CDKN2A: variants seen among roughly 807,000 people sequenced by gnomAD.
CDKN2A encodes cyclin dependent kinase inhibitor 2A.
Under a neutral mutation model 11.1 loss-of-function variants are expected in CDKN2A, and 3 were observed. The ratio of observed to expected loss-of-function variants is 0.27; its 90% CI spans 0.12 to 0.70. CDKN2A has a LOEUF of 0.70. CDKN2A is among the 30% of genes least tolerant of loss of function. CDKN2A has a pLI of 0.77. For synonymous variants in CDKN2A, 122 were observed against 108.1 expected (o/e 1.13, Z -0.80); for missense variants, 265 against 233.6 (o/e 1.13, Z -0.88).
intron 2 of CDKN2A, among the ~76,000 whole-genome samples, chr9:21,981,784 G>A (rs1358117899): frequency 3.3e-5 from 5 of 151,976 alleles, no homozygotes; most frequent in African/African-American, 1.2e-4. Context: ...CAATGTGGGT[G>A]GTAAGAGCAT....
In CDKN2A at chr9:21,968,007, A is replaced by G. The variant is rs1819492696; in HGVS notation, c.*222T>C. ...CAGAAGCGGTGTTTTTCTTTTTTAC[A>G]TTTTTATAAGAATATATAAAAAATG... On this transcript the variant is annotated 3_prime_UTR_variant, in exon 3 of 3. Coordinates refer to ENST00000304494, the MANE Select transcript of CDKN2A (RefSeq NM_000077.5). This position sits in a 1 kb window ranked among gnomAD's most constrained non-coding sequence, Gnocchi z 4.7. 1 of 560,838 alleles carries G rather than the reference A, an allele frequency of 1.8e-6. No homozygotes were observed. The highest frequency in any genetic ancestry group is 3.2e-6 in the Non-Finnish European group (1 of 316,056). 34.7% of individuals were successfully genotyped at this position (560,838 alleles called of 1,614,324 possible).
In CDKN2A at chr9:21,991,695, TA is replaced by T; in HGVS notation, c.-4+2186del. The stretch of plus-strand genomic sequence containing the variant: ...GGAATAATAGATCTGTAAACCATCA[TA>T]GACGGTAATAGGCTATGTTGTTGCT... On this transcript the variant is annotated intron_variant, in intron 2 of 3. Coordinates refer to the CDKN2A transcript ENST00000494262. The surrounding 1 kb of genome is among the most constrained non-coding windows in gnomAD (Gnocchi z 5.2). 1.0e-6 allele frequency: 1 copy of T among 982,744 alleles called. No individual in the cohort carries two copies. The highest frequency in any genetic ancestry group is 1.2e-6 in the Non-Finnish European group (1 of 827,448). The allele number at this position is 982,744 out of a possible 1,614,324, so 60.9% of individuals were successfully genotyped here.
intron 2 of CDKN2A, among the ~76,000 whole-genome samples, chr9:21,983,297 A>G (rs1390227450): frequency 6.6e-6 from 1 of 152,028 alleles, no homozygotes. Flanking sequence ...AAACTACCCC[A>G]CACAAAGCAA....
intron 1 of CDKN2A, chr9:21,994,478 G>A (rs778216600): frequency 9.1e-6 from 13 of 1,424,326 alleles, no homozygotes; most frequent in African/African-American, 5.7e-5. Context: ...GCGCGCACCC[G>A]CCTTCCCTGA....
In CDKN2A at chr9:21,974,752, C is replaced by G. The variant is rs1317637377; in HGVS notation, c.76G>C (p.Glu26Gln). Reference sequence around the variant, plus strand: ...GCCTCCAGCAGCGCCCGCACCTCCTCTACCCGACCCCGGGCCGCGGCCGTG... The same window carrying G: ...GCCTCCAGCAGCGCCCGCACCTCCTGTACCCGACCCCGGGCCGCGGCCGTG... ...LATAAARGRV[E>Q]EVRALLEAGA... is the part of the protein sequence containing the mutation. Residue 26 changes from glutamate to glutamine, a missense_variant, in exon 1 of 3, where the codon GAG (glutamate) becomes CAG (glutamine). Coordinates refer to ENST00000304494, the MANE Select transcript of CDKN2A (RefSeq NM_000077.5). This position sits in a 1 kb window ranked among gnomAD's most constrained non-coding sequence, Gnocchi z 5.2. 1.2e-6 allele frequency: 2 copies of G among 1,611,012 alleles called. No individual in the cohort carries two copies. Among genetic ancestry groups the G allele is most frequent in the South Asian group, 2.2e-5 (2 of 91,020 alleles).
upstream of CDKN2A, among the ~76,000 whole-genome samples, chr9:21,976,538 A>C (rs1250156677): frequency 6.6e-6 from 1 of 152,084 alleles, no homozygotes; most frequent in Non-Finnish European, 1.5e-5. Flanking sequence ...CAACATGGCG[A>C]AACCCTGTCT....
Position 21,967,913 on chromosome 9 carries a change from A to G in CDKN2A, c.*316T>C. 2.6e-6 allele frequency: 1 copy of G among 386,308 alleles called. No individual in the cohort carries two copies. Among genetic ancestry groups the G allele is most frequent in the Non-Finnish European group, 4.6e-6 (1 of 215,214 alleles). 23.9% of individuals were successfully genotyped at this position (386,308 alleles called of 1,614,324 possible). On this transcript the variant is annotated 3_prime_UTR_variant, in exon 3 of 3. Coordinates refer to ENST00000304494, the MANE Select transcript of CDKN2A (RefSeq NM_000077.5). Reference sequence around the variant, plus strand: ...TTCCGGAGGCTGCGAGGCTCGCAAGAAATGCCCACATGAATGTGCGCTTAG... The same window carrying G: ...TTCCGGAGGCTGCGAGGCTCGCAAGGAATGCCCACATGAATGTGCGCTTAG...
chr9:21,993,738 G>T (rs1017453318), intron 2 of CDKN2A: 3 of 204,548 alleles, frequency 1.5e-5, no homozygotes, highest in African/African-American at 7.1e-5. Context: ...AGAAAACTTA[G>T]ATGGTTAGCA....
rs1587330539 is a variant in CDKN2A, at chr9:21,970,949, G to C, written c.410C>G (p.Thr137Ser). The part of the protein sequence containing the change: ...ARYLRAAAGG[T>S]RGSNHARIDA... ...TATGCGGGCATGGTTACTGCCTCTG[G>C]TGCCCCCCGCAGCCGCGCGCAGGTA... The change falls in exon 2 of 3, where the codon ACC becomes AGC. Residue 137 changes from threonine to serine, a missense_variant. Coordinates refer to ENST00000304494, the MANE Select transcript of CDKN2A (RefSeq NM_000077.5). 6.2e-7 allele frequency: 1 copy of C among 1,612,154 alleles called. No homozygotes were observed. Among genetic ancestry groups the C allele is most frequent in the Non-Finnish European group, 8.5e-7 (1 of 1,180,022 alleles).
upstream of CDKN2A, chr9:21,975,101 T>TC: frequency 7.9e-7 from 1 of 1,265,026 alleles, no homozygotes; most frequent in Non-Finnish European, 9.9e-7. Flanking sequence ...AGGTTGGGTC[T>TC]CCCCCGGGGG....
chr9:21,994,491 G>T, intron 1 of CDKN2A: 35 of 1,436,646 alleles, frequency 2.4e-5, no homozygotes, highest in Non-Finnish European at 3.0e-5. Context: ...TTCCCTGAGC[G>T]CGCCCGCCCC....
chr9:21,983,446 C>T (rs1382491098), intron 2 of CDKN2A, among the ~76,000 whole-genome samples: 2 of 152,014 alleles, frequency 1.3e-5, no homozygotes, highest in Non-Finnish European at 2.9e-5. Flanking sequence ...TTCATAAATG[C>T]TACTTTTAAC....
intron 2 of CDKN2A, among the ~76,000 whole-genome samples, chr9:21,986,107 G>A (rs1820291748): frequency 6.6e-6 from 1 of 151,996 alleles, no homozygotes; most frequent in Non-Finnish European, 1.5e-5. Context: ...GAACATGAAA[G>A]CACTGAGAGT....
chr9:21,985,618 A>C (rs906445862), intron 2 of CDKN2A, among the ~76,000 whole-genome samples: 1 of 151,954 alleles, frequency 6.6e-6, no homozygotes, highest in South Asian at 2.1e-4. Flanking sequence ...TAGATAGACT[A>C]ATAACTTTTT....
rs1233144421 is a variant in CDKN2A, at chr9:21,991,490, TTC to T, written c.-4+2390_-4+2391del. On this transcript the variant is annotated intron_variant, in intron 2 of 3. Coordinates refer to the CDKN2A transcript ENST00000494262. The surrounding 1 kb of genome is among the most constrained non-coding windows in gnomAD (Gnocchi z 5.2). ...TTTAGTACAGAAGGCAAGTGAGATT[TTC>T]TCTGTTTCTCCAAGGACTTTTGAAA... is the stretch of plus-strand genomic sequence containing the variant. 4 of 205,688 alleles carry T rather than the reference TTC, an allele frequency of 1.9e-5. No individual in the cohort carries two copies. Among genetic ancestry groups the T allele is most frequent in the East Asian group, 1.9e-4 (1 of 5,392 alleles). The allele number at this position is 205,688 out of a possible 1,614,324, so 12.7% of individuals were successfully genotyped here. A position where few individuals can be genotyped will look rare whatever the true frequency, so the allele number is the denominator to read the frequency against.
At chr9:21,981,586 C>T (rs1350583428) in intron 2 of CDKN2A, among the ~76,000 whole-genome samples, 1 of 151,846 alleles carries the variant, frequency 6.6e-6, no homozygotes, top group Non-Finnish European at 1.5e-5. Context: ...AAATTAGAGT[C>T]CCTGTCCTAG....
Position 21,971,575 on chromosome 9 carries a change from A to ATTTTTTTTTTTTTTTTTTTTTTTTTTTT in CDKN2A, c.151-368_151-367insAAAAAAAAAAAAAAAAAAAAAAAAAAAA, listed in dbSNP as rs59981968. Reference sequence around the variant, plus strand: ...TCCTGAAATTATGTTAGGCCTGGAGATTTTTTTTTTTTTTTTTGTTCACTG... The same window carrying ATTTTTTTTTTTTTTTTTTTTTTTTTTTT: ...TCCTGAAATTATGTTAGGCCTGGAGATTTTTTTTTTTTTTTTTTTTTTTTTTTTTTTTTTTTTTTTTTTTTGTTCACTG... On this transcript the variant is annotated intron_variant, in intron 1 of 2. Transcript: ENST00000304494. Among the ~76,000 whole-genome samples the ATTTTTTTTTTTTTTTTTTTTTTTTTTTT allele has an allele frequency of 2.9e-3, 328 of 111,308 alleles. 19 individuals are homozygous for ATTTTTTTTTTTTTTTTTTTTTTTTTTTT. Among genetic ancestry groups the ATTTTTTTTTTTTTTTTTTTTTTTTTTTT allele is most frequent in the East Asian group, 6.7e-3 (26 of 3,866 alleles). 73.0% of individuals were successfully genotyped at this position (111,308 alleles called of 152,430 possible).
chr9:21,986,880 G>A (rs1820311052), intron 2 of CDKN2A, among the ~76,000 whole-genome samples: 1 of 152,042 alleles, frequency 6.6e-6, no homozygotes, highest in Non-Finnish European at 1.5e-5. Flanking sequence ...TTCAACTGGG[G>A]GAGTCATTGT....
chr9:21,968,752 C>T lies in CDKN2A; in HGVS notation c.458-510G>A. The T allele has an allele frequency of 6.5e-7, 1 of 1,536,162 alleles. No homozygotes were observed. The highest frequency in any genetic ancestry group is 8.7e-7 in the Non-Finnish European group (1 of 1,146,908). ...ACGCATGCCTGCTTCTACAAACCCA[C>T]AAATGGTTTCCGATCATTTCTGAAA... On this transcript the variant is annotated intron_variant, in intron 2 of 2. Transcript: ENST00000304494. This position sits in a 1 kb window ranked among gnomAD's most constrained non-coding sequence, Gnocchi z 4.7.
Sources: allele counts gnomAD v4.1 joint callset (sites outside exome capture counted in the v4.1 genomes callset), GRCh38; gene constraint gnomAD v4.1.1; non-coding constraint Gnocchi (gnomAD v3.1); transcripts MANE v1.5; gene names NCBI Gene and HGNC (gene_info 2026-07-23, HGNC 2026-07-21).